CPN1: variants seen among roughly 807,000 people sequenced by gnomAD.
The protein encoded by CPN1 is carboxypeptidase N catalytic chain.
CPN1 carries 37 observed loss-of-function variants against 46.4 expected under a neutral mutation model. The observed-to-expected ratio is 0.80, with a 90% CI of 0.61 to 1.05. The LOEUF is 1.05. Ranked by LOEUF, CPN1 falls within the 50% of genes least tolerant of loss-of-function variation. The probability of loss-of-function intolerance (pLI) is 0.00; values close to 1 mark genes in which losing one functional copy is unlikely to be tolerated. For missense variants in CPN1, 563 were observed against 602.6 expected (o/e 0.93, Z 0.69); for synonymous variants, 224 against 235.4 (o/e 0.95, Z 0.44).
intron 2 of CPN1, among the ~76,000 whole-genome samples, chr10:100,073,610 C>CTTTTTT (rs748410671): frequency 1.6e-5 from 2 of 122,452 alleles, no homozygotes; most frequent in African/African-American, 3.2e-5. Flanking sequence ...GCTCTTCCAT[C>CTTTTTT]TTTTTTTTTT....
chr10:100,058,588 A>C (rs1468593839), intron 5 of CPN1, among the ~76,000 whole-genome samples: 2 of 152,158 alleles, frequency 1.3e-5, no homozygotes, highest in Non-Finnish European at 2.9e-5. Context: ...TTATCCACTT[A>C]AAAATGTCTG....
chr10:100,065,202 T>C lies in CPN1; in HGVS notation c.745A>G (p.Lys249Glu). 6.2e-7 allele frequency: 1 copy of C among 1,613,360 alleles called. No homozygotes were observed. Among genetic ancestry groups the C allele is most frequent in the Non-Finnish European group, 8.5e-7 (1 of 1,179,424 alleles). The stretch of plus-strand genomic sequence containing the variant: ...TCTCCACATACCTTCTGGAAGAGCT[T>C]GTCGTCAGGCGTGGGGGTGCTGGCG... ...RTASTPTPDD[K>E]LFQKLAKVYS... Residue 249 changes from lysine to glutamate, a missense_variant, in exon 4 of 9, where the codon AAG (lysine) becomes GAG (glutamate). Lys to Glu is a moderately conservative substitution (Grantham distance 56, BLOSUM62 1). Transcript: ENST00000370418.
intron 8 of CPN1, among the ~76,000 whole-genome samples, chr10:100,043,880 T>C (rs1336212488): frequency 6.6e-6 from 1 of 152,080 alleles, no homozygotes; most frequent in Non-Finnish European, 1.5e-5. Flanking sequence ...ACCTCTCTTC[T>C]GGCCACAGCA....
chr10:100,046,081 A>C (rs968345497), intron 8 of CPN1, among the ~76,000 whole-genome samples: 1 of 152,320 alleles, frequency 6.6e-6, no homozygotes, highest in Non-Finnish European at 1.5e-5. Context: ...AAATCAAAGA[A>C]GTTCTTTGCT....
chr10:100,076,570 T>C (rs2041516483), intron 1 of CPN1, among the ~76,000 whole-genome samples: 1 of 152,214 alleles, frequency 6.6e-6, no homozygotes, highest in African/African-American at 2.4e-5. Flanking sequence ...CAGAACCTGT[T>C]TTCATGAAGT....
In CPN1 at chr10:100,064,375, T is replaced by C. The variant is rs927430978; in HGVS notation, c.760-650A>G. ...TATATAGATATATTATATATTAATA[T>C]ATTAGTATATAATTTTTTTTTTGAG... On this transcript the variant is annotated intron_variant, in intron 4 of 8. Transcript: ENST00000370418. Among the ~76,000 whole-genome samples the C allele has an allele frequency of 1.2e-3, 176 of 148,898 alleles. 1 individual carries two copies. Among genetic ancestry groups the C allele is most frequent in the African/African-American group, 3.9e-3 (160 of 41,006 alleles).
Position 100,069,867 on chromosome 10 carries a change from G to A in CPN1, c.423C>T (p.Gly141=), listed in dbSNP as rs779754054. ...CAACTAGATACCCAGGCTTGTTTGG[G>A]CCCTAAAGGAAAATGAAAAGATGAA... is the stretch of plus-strand genomic sequence containing the variant. ...PDGYEVAAAQ[G]PNKPGYLVGR... Residue 141 remains glycine (G), a splice_region_variant and synonymous_variant, in exon 3 of 9, where the codon GGC becomes GGT. Coordinates refer to ENST00000370418, the MANE Select transcript of CPN1 (RefSeq NM_001308.3). 1 of 1,613,434 alleles carries A rather than the reference G, an allele frequency of 6.2e-7. No homozygotes were observed. The highest frequency in any genetic ancestry group is 8.5e-7 in the Non-Finnish European group (1 of 1,179,928).
chr10:100,059,001 T>G (rs917149002), intron 5 of CPN1, among the ~76,000 whole-genome samples: 1 of 152,154 alleles, frequency 6.6e-6, no homozygotes, highest in Non-Finnish European at 1.5e-5. Context: ...AGAATGAAGC[T>G]GGAGCCTTAC....
intron 5 of CPN1, among the ~76,000 whole-genome samples, chr10:100,059,767 G>A (rs894201766): frequency 6.6e-6 from 1 of 151,992 alleles, no homozygotes; most frequent in African/African-American, 2.4e-5. Flanking sequence ...CAGAAATCAG[G>A]GTCTCAAGGA....
chr10:100,074,524 C>G (rs1476342038), intron 2 of CPN1, among the ~76,000 whole-genome samples: 1 of 152,118 alleles, frequency 6.6e-6, no homozygotes, highest in Non-Finnish European at 1.5e-5. Flanking sequence ...CAAGCAACTC[C>G]CCTGCCTCAG....
intron 5 of CPN1, among the ~76,000 whole-genome samples, chr10:100,063,233 G>T (rs1369399516): frequency 6.6e-6 from 1 of 152,056 alleles, no homozygotes; most frequent in East Asian, 1.9e-4. Context: ...CCATTCTCCT[G>T]ACTCAGCCTC....
intron 6 of CPN1, among the ~76,000 whole-genome samples, chr10:100,056,503 A>G (rs1487361241): frequency 6.6e-6 from 1 of 152,138 alleles, no homozygotes; most frequent in Non-Finnish European, 1.5e-5. Context: ...TTGCTTATTT[A>G]TTCATAATTC....
intron 1 of CPN1, among the ~76,000 whole-genome samples, chr10:100,077,376 G>T (rs1004571071): frequency 6.6e-6 from 1 of 151,860 alleles, no homozygotes; most frequent in Non-Finnish European, 1.5e-5. Flanking sequence ...GACTACAGGT[G>T]CCTGCCACCA....
intron 2 of CPN1, among the ~76,000 whole-genome samples, chr10:100,073,330 A>T (rs1245013306): frequency 1.3e-5 from 2 of 152,226 alleles, no homozygotes; most frequent in African/African-American, 4.8e-5. Flanking sequence ...GACTGTCAGC[A>T]TAAACAGCTA....
At chr10:100,061,165 G>A (rs1180386014) in intron 5 of CPN1, among the ~76,000 whole-genome samples, 3 of 152,052 alleles carry the variant, frequency 2.0e-5, no homozygotes, top group Admixed American at 1.3e-4. Flanking sequence ...TAGCACAAAA[G>A]GGTGACTACC....
chr10:100,057,845 A>G (rs1320310925), intron 5 of CPN1, among the ~76,000 whole-genome samples: 2 of 152,126 alleles, frequency 1.3e-5, no homozygotes, highest in Admixed American at 6.5e-5. Flanking sequence ...CTGTAAAGAG[A>G]TAATGATTCT....
intron 8 of CPN1, 91 bp downstream of exon 8, chr10:100,048,667 C>G (rs1314002872): frequency 4.1e-6 from 4 of 983,874 alleles, no homozygotes; most frequent in African/African-American, 1.6e-5. Context: ...CCACTGCACT[C>G]CAGCCTGGGT....
intron 2 of CPN1, among the ~76,000 whole-genome samples, chr10:100,073,307 C>G (rs1471446388): frequency 6.6e-6 from 1 of 152,054 alleles, no homozygotes; most frequent in Non-Finnish European, 1.5e-5. Context: ...TTATTTATAT[C>G]AAGGCAACTC....
intron 3 of CPN1, 74 bp downstream of exon 3, chr10:100,069,640 A>T: frequency 6.4e-7 from 1 of 1,567,488 alleles, no homozygotes; most frequent in Non-Finnish European, 8.8e-7. Context: ...TGATGTAAAG[A>T]TGGCTTAGCA....
Sources: gnomAD v4.1 joint callset for allele counts (sites outside exome capture counted in the v4.1 genomes callset) on GRCh38, gnomAD v4.1.1 for gene constraint, MANE v1.5 for transcripts, NCBI Gene and HGNC (gene_info 2026-07-23, HGNC 2026-07-21) for gene names.